Variants in RARB observed in about 807,000 individuals in gnomAD.
The protein encoded by RARB is retinoic acid receptor beta.
RARB carries 17 observed loss-of-function variants against 51.9 expected under a neutral mutation model. The observed-to-expected ratio is 0.33, with a 90% CI of 0.22 to 0.49. The LOEUF (loss-of-function observed/expected upper bound fraction) is 0.49, where lower values mean the gene tolerates loss of function less well. Among genes scored for constraint, RARB ranks in the 20% least tolerant of loss-of-function variants. The pLI is 0.99. For synonymous variants in RARB, 215 were observed against 195.4 expected (o/e 1.10, Z -0.84); for missense variants, 369 against 550.8 (o/e 0.67, Z 3.30).
intron 5 of RARB, among the ~76,000 whole-genome samples, chr3:25,199,547 C>T (rs1040984442): frequency 6.6e-6 from 1 of 152,020 alleles, no homozygotes; most frequent in East Asian, 1.9e-4. Context: ...TGGTGTGCTG[C>T]ACCCATTAAC....
intron 2 of RARB, among the ~76,000 whole-genome samples, chr3:24,912,972 A>ATTTT (rs71622787): frequency 0.05 from 2,854 of 56,766 alleles, 119 homozygotes; most frequent in Non-Finnish European, 0.06. Flanking sequence ...CAAGGTACTG[A>ATTTT]TTCTTTTTTT....
At chr3:25,318,228 C>T (rs1704477732) in intron 5 of RARB, among the ~76,000 whole-genome samples, 1 of 152,172 alleles carries the variant, frequency 6.6e-6, no homozygotes, top group Non-Finnish European at 1.5e-5. Flanking sequence ...ATTCAGAGTT[C>T]ACAGCCATCA....
At chr3:25,459,309 T>C (rs143057384) in intron 1 of RARB, among the ~76,000 whole-genome samples, 1 of 152,260 alleles carries the variant, frequency 6.6e-6, no homozygotes, top group East Asian at 1.9e-4. Context: ...ATAGCCTCAG[T>C]TGGTATGAGA....
At chr3:25,194,385 A>G (rs1383588310) in intron 5 of RARB, among the ~76,000 whole-genome samples, 1 of 151,690 alleles carries the variant, frequency 6.6e-6, no homozygotes, top group Non-Finnish European at 1.5e-5. Flanking sequence ...TGCTTTTACC[A>G]TATGCACATA....
intron 3 of RARB, among the ~76,000 whole-genome samples, chr3:25,125,782 TAAA>T (rs1007529419): frequency 1.3e-5 from 2 of 152,210 alleles, no homozygotes; most frequent in African/African-American, 4.8e-5. Context: ...AGGTGTTCAA[TAAA>T]TACTTGTTGA....
At chr3:25,236,544 G>A (rs531121806) in intron 5 of RARB, among the ~76,000 whole-genome samples, 25 of 152,176 alleles carry the variant, frequency 1.6e-4, no homozygotes, top group Admixed American at 5.2e-4. Flanking sequence ...TTGAACATGG[G>A]ATCTAGTGAA....
At chr3:25,456,072 C>T (rs924170969) in intron 1 of RARB, among the ~76,000 whole-genome samples, 4 of 152,194 alleles carry the variant, frequency 2.6e-5, no homozygotes, top group African/African-American at 9.7e-5. Context: ...AACACATTGT[C>T]TGCTGAGCCG....
chr3:25,088,464 A>G (rs1287308087), intron 3 of RARB, among the ~76,000 whole-genome samples: 1 of 152,122 alleles, frequency 6.6e-6, no homozygotes, highest in Non-Finnish European at 1.5e-5. Flanking sequence ...GCTGTGGGGT[A>G]GGGGGACTAT....
chr3:25,537,730 G>A (rs148459838), intron 3 of RARB, among the ~76,000 whole-genome samples: 147 of 152,312 alleles, frequency 9.7e-4, no homozygotes, highest in African/African-American at 3.3e-3. Flanking sequence ...AATGCCTGGA[G>A]CAGAATCCCT....
At chr3:25,129,068 C>A (rs1430467451) in intron 3 of RARB, among the ~76,000 whole-genome samples, 1 of 152,004 alleles carries the variant, frequency 6.6e-6, no homozygotes, top group Non-Finnish European at 1.5e-5. Context: ...TTAACCCATT[C>A]TAGAAATTCA....
At chr3:24,972,224 T>C (rs752540211) in intron 2 of RARB, among the ~76,000 whole-genome samples, 7 of 152,024 alleles carry the variant, frequency 4.6e-5, no homozygotes, top group Non-Finnish European at 1.0e-4. Context: ...CTCCCACATA[T>C]GAGTGAGAAC....
chr3:25,042,232 A>T (rs943954484), intron 2 of RARB, among the ~76,000 whole-genome samples: 3 of 152,228 alleles, frequency 2.0e-5, no homozygotes, highest in Non-Finnish European at 4.4e-5. Flanking sequence ...AAAATTTTGT[A>T]TGGCTGAACA....
At chr3:25,126,082 A>G (rs1420409506) in intron 3 of RARB, among the ~76,000 whole-genome samples, 2 of 152,178 alleles carry the variant, frequency 1.3e-5, no homozygotes, top group African/African-American at 4.8e-5. Flanking sequence ...ATAGATTTTT[A>G]TTAAAATTTT....
intron 1 of RARB, among the ~76,000 whole-genome samples, chr3:25,447,713 C>G (rs976397154): frequency 6.6e-6 from 1 of 151,978 alleles, no homozygotes; most frequent in Non-Finnish European, 1.5e-5. Flanking sequence ...GGAAATCCTA[C>G]GAGGAATGAG....
intron 2 of RARB, among the ~76,000 whole-genome samples, chr3:25,487,191 A>G (rs186199795): frequency 6.6e-5 from 10 of 152,282 alleles, no homozygotes; most frequent in Admixed American, 2.0e-4. Context: ...AGTAATAGAC[A>G]CACATTACAG....
chr3:25,219,862 G>A (rs948049121), intron 5 of RARB, among the ~76,000 whole-genome samples: 22 of 152,200 alleles, frequency 1.4e-4, no homozygotes, highest in African/African-American at 5.1e-4. Context: ...AGAGTAAAGC[G>A]TGAGCCTTGA....
intron 5 of RARB, among the ~76,000 whole-genome samples, chr3:25,343,925 A>T (rs137897857): frequency 2.5e-3 from 377 of 152,278 alleles, no homozygotes; most frequent in Non-Finnish European, 4.2e-3. Context: ...AGGGAAATTG[A>T]AGCAGACAAA....
intron 3 of RARB, among the ~76,000 whole-genome samples, chr3:25,071,169 G>A (rs898513764): frequency 2.6e-5 from 4 of 152,176 alleles, no homozygotes; most frequent in Non-Finnish European, 4.4e-5. Context: ...CTTCTGCAGT[G>A]CTCAGAAGAG....
intron 5 of RARB, among the ~76,000 whole-genome samples, chr3:25,344,449 A>G (rs1705325764): frequency 6.6e-6 from 1 of 152,224 alleles, no homozygotes; most frequent in East Asian, 1.9e-4. Flanking sequence ...TGCATCTGCC[A>G]CACTCTACTG....
Sources: allele counts gnomAD v4.1 joint callset (sites outside exome capture counted in the v4.1 genomes callset), GRCh38; gene constraint gnomAD v4.1.1; transcripts MANE v1.5; gene names NCBI Gene and HGNC (gene_info 2026-07-23, HGNC 2026-07-21).